ZYG11B: variants seen among roughly 807,000 people sequenced by gnomAD.
ZYG11B encodes the protein protein zyg-11 homolog B.
Under a neutral mutation model 82.4 loss-of-function variants are expected in ZYG11B, and 36 were observed. That is an observed-to-expected ratio of 0.44 (90% confidence interval 0.33 to 0.58). ZYG11B has a LOEUF of 0.58. ZYG11B is among the 20% of genes least tolerant of loss of function. The pLI, the probability that ZYG11B is intolerant of heterozygous loss-of-function variation, is 0.02. For missense variants in ZYG11B, 552 were observed against 895.6 expected, an observed-to-expected ratio of 0.62 and a Z score of 4.90; for synonymous variants, 303 against 312.8, an observed-to-expected ratio of 0.97 and a Z score of 0.33.
At chr1:52,786,904 A>G (rs1395422426) in intron 5 of ZYG11B, among the ~76,000 whole-genome samples, 2 of 152,184 alleles carry the variant, frequency 1.3e-5, no homozygotes, top group East Asian at 3.8e-4. Context: ...CAGCCTGACC[A>G]ACATGGAGAA....
intron 1 of ZYG11B, among the ~76,000 whole-genome samples, chr1:52,753,738 A>C (rs1475410451): frequency 6.6e-6 from 1 of 151,834 alleles, no homozygotes. Flanking sequence ...CTGGGATTAC[A>C]GGCATGCACC....
intron 3 of ZYG11B, chr1:52,772,733 A>G: frequency 1.5e-6 from 1 of 650,598 alleles, no homozygotes; most frequent in South Asian, 1.7e-5. Context: ...GCTGGAGTGC[A>G]GTGGCGCTAT....
chr1:52,771,754 A>G lies in ZYG11B; in HGVS notation c.931A>G (p.Thr311Ala), dbSNP rs772584137. Residue 311 changes from threonine to alanine, a missense_variant, in exon 3 of 14, where the codon ACA (threonine) becomes GCA (alanine). By Grantham distance (58) the Thr-to-Ala change is moderately conservative. Around this residue, in one of 3 missense-constraint regions of ZYG11B, gnomAD observed 359 missense variants for 555.8 expected, o/e 0.65. Coordinates refer to ENST00000294353, the MANE Select transcript of ZYG11B (RefSeq NM_024646.3). The surrounding 1 kb of genome is among the most constrained non-coding windows in gnomAD (Gnocchi z 5.4). ...ATDAGYSEFL[T>A]GEGHLKVSGE... is the part of the protein sequence containing the mutation. ...TGATGCTGGTTACTCTGAATTCCTC[A>G]CAGGCGAAGGACATTTGAAGGTTAG... The G allele has an allele frequency of 6.2e-7, 1 of 1,611,282 alleles. No homozygotes were observed. Among genetic ancestry groups the G allele is most frequent in the South Asian group, 1.1e-5 (1 of 90,910 alleles).
At chr1:52,789,863 A>AG (rs1354077733) in intron 5 of ZYG11B, 140 bp from the exon 6 acceptor site, 9 of 516,396 alleles carry the variant, frequency 1.7e-5, no homozygotes, top group Admixed American at 3.8e-5. Context: ...TTTCAATACT[A>AG]GGGGGGCAGA....
At chr1:52,796,808 C>T in intron 8 of ZYG11B, 24 bp downstream of exon 8, 1 of 1,446,036 alleles carries the variant, frequency 6.9e-7, no homozygotes. Context: ...CTCCTCCATT[C>T]AGGCCACTAG....
At chr1:52,779,778 C>T in intron 3 of ZYG11B, 75 bp from the exon 4 acceptor site, 1 of 1,571,364 alleles carries the variant, frequency 6.4e-7, no homozygotes, top group Non-Finnish European at 8.7e-7. Context: ...GCGTGAGCCA[C>T]CGCGCCTGGC....
intron 6 of ZYG11B, among the ~76,000 whole-genome samples, chr1:52,795,854 A>G (rs1327939396): frequency 6.6e-6 from 1 of 152,132 alleles, no homozygotes; most frequent in Non-Finnish European, 1.5e-5. Flanking sequence ...TGTTTTGTTC[A>G]CTATTCTATC....
At chr1:52,741,194 AG>A (rs1644426700) in intron 1 of ZYG11B, among the ~76,000 whole-genome samples, 1 of 150,096 alleles carries the variant, frequency 6.7e-6, no homozygotes, top group Non-Finnish European at 1.5e-5. Context: ...GCTACTCGAG[AG>A]GCTAAGGCAG....
Position 52,776,229 on chromosome 1 carries a change from A to AAAAAAT in ZYG11B, c.952-3623_952-3622insAAAATA. Among the ~76,000 whole-genome samples the AAAAAAT allele has an allele frequency of 1.4e-3, 32 of 23,546 alleles. 3 individuals are homozygous for AAAAAAT. Among genetic ancestry groups the AAAAAAT allele is most frequent in the African/African-American group, 2.3e-3 (24 of 10,554 alleles). The allele number at this position is 23,546 out of a possible 152,430, so 15.4% of individuals were successfully genotyped here. On this transcript the variant is annotated intron_variant, in intron 3 of 13. Coordinates refer to ENST00000294353, the MANE Select transcript of ZYG11B (RefSeq NM_024646.3). ...AGCAAAACTCTGTCTTAAAAAAAAA[A>AAAAAAT]ATATATATATATATATGCAATAAAG...
rs1645283406 is a variant in ZYG11B at position 52,821,492 on chromosome 1, A to G, written c.2098A>G (p.Asn700Asp). Residue 700 changes from asparagine (N) to aspartate (D), a missense_variant, in exon 14 of 14, where the codon AAC becomes GAC. This residue lies in a region of ZYG11B where 127 missense variants were observed against 163.4 expected (regional missense o/e 0.78). Transcript: ENST00000294353. ...IEEGGLQHLYNIKDHEHTDPH... is the reference protein window; with the variant it reads ...IEEGGLQHLYDIKDHEHTDPH... ...AGAAGGAGGATTGCAGCATTTATAC[A>G]ACATCAAAGATCATGAACATACTGA... 3.1e-6 allele frequency: 5 copies of G among 1,613,310 alleles called. No homozygotes were observed. The highest frequency in any genetic ancestry group is 4.2e-6 in the Non-Finnish European group (5 of 1,179,524).
chr1:52,755,221 A>G lies in ZYG11B; in HGVS notation c.31-1237A>G, dbSNP rs548144472. Among the ~76,000 whole-genome samples the G allele has an allele frequency of 6.6e-5, 10 of 152,150 alleles. No individual in the cohort carries two copies. In the South Asian group the frequency reaches 1.5e-3, roughly 22 times the overall value. ...CATGATCCGCCCACCTCGGCCTCCCAAAGTGCTGGGATTACAGGCGGGAGC... is the reference window on the plus strand; with the variant it reads ...CATGATCCGCCCACCTCGGCCTCCCGAAGTGCTGGGATTACAGGCGGGAGC... On this transcript the variant is annotated intron_variant, in intron 1 of 13. Coordinates refer to ENST00000294353, the MANE Select transcript of ZYG11B (RefSeq NM_024646.3).
intron 2 of ZYG11B, among the ~76,000 whole-genome samples, chr1:52,769,257 G>A (rs1434377981): frequency 6.6e-6 from 1 of 152,038 alleles, no homozygotes; most frequent in Admixed American, 6.6e-5. Flanking sequence ...AATTTGAAAG[G>A]CTGTCTCTAG....
chr1:52,737,775 A>G (rs1644390142), intron 1 of ZYG11B, among the ~76,000 whole-genome samples: 1 of 152,252 alleles, frequency 6.6e-6, no homozygotes, highest in African/African-American at 2.4e-5. Flanking sequence ...AAAAAACACA[A>G]CAATACTGAG....
intron 8 of ZYG11B, 101 bp from the exon 9 acceptor site, chr1:52,801,708 GAAATGCTTTA>G (rs1214912128): frequency 1.2e-6 from 1 of 847,964 alleles, no homozygotes; most frequent in Non-Finnish European, 1.8e-6. Context: ...ACCTTTACAG[GAAATGCTTTA>G]AGCCATGAGA....
intron 1 of ZYG11B, among the ~76,000 whole-genome samples, chr1:52,746,015 G>C (rs961815772): frequency 6.6e-6 from 1 of 151,260 alleles, no homozygotes; most frequent in African/African-American, 2.4e-5. Context: ...CTGGAGTGCA[G>C]TGGCACTCGA....
At chr1:52,746,687 GTTTTT>G (rs11446988) in intron 1 of ZYG11B, among the ~76,000 whole-genome samples, 12 of 33,510 alleles carry the variant, frequency 3.6e-4, no homozygotes, top group African/African-American at 5.0e-4. Context: ...ATCGGCCACT[GTTTTT>G]TTTTTTTTTT....
intron 3 of ZYG11B, among the ~76,000 whole-genome samples, chr1:52,776,229 A>AAAAAAATATATATATATAT: frequency 1.7e-4 from 4 of 23,542 alleles, no homozygotes; most frequent in South Asian, 2.4e-3. Context: ...TAAAAAAAAA[A>AAAAAAATATATATATATAT]ATATATATAT....
At chr1:52,770,423 A>G (rs1209888402) in intron 2 of ZYG11B, among the ~76,000 whole-genome samples, 1 of 152,194 alleles carries the variant, frequency 6.6e-6, no homozygotes, top group Non-Finnish European at 1.5e-5. Context: ...TGTTAAGGTG[A>G]ATTTAAAGGA....
At chr1:52,786,637 C>T (rs1034518704) in intron 5 of ZYG11B, among the ~76,000 whole-genome samples, 14 of 152,078 alleles carry the variant, frequency 9.2e-5, no homozygotes, top group Admixed American at 5.9e-4. Context: ...GTGGTCCCAA[C>T]TACTCAGGAG....
Sources: allele counts gnomAD v4.1 joint callset (sites outside exome capture counted in the v4.1 genomes callset), GRCh38; gene constraint gnomAD v4.1.1; regional missense constraint gnomAD v4.1.1; non-coding constraint Gnocchi (gnomAD v3.1); transcripts MANE v1.5; gene names NCBI Gene and HGNC (gene_info 2026-07-23, HGNC 2026-07-21).